TMEM154: variants seen among roughly 807,000 people sequenced by gnomAD.
The protein encoded by TMEM154 is transmembrane protein 154.
In TMEM154, 27 loss-of-function variants were observed where a neutral mutation model predicts 24.5. The observed-to-expected ratio is 1.10, with a 90% CI of 0.81 to 1.52. The LOEUF (loss-of-function observed/expected upper bound fraction) is 1.52, where lower values mean the gene tolerates loss of function less well. Among genes scored for constraint, TMEM154 ranks in the 40% most tolerant of loss-of-function variants. TMEM154 has a pLI of 0.00. For synonymous variants in TMEM154, 67 were observed against 76.8 expected (o/e 0.87, Z 0.67); for missense variants, 228 against 213.4 (o/e 1.07, Z -0.43).
chr4:152,675,059 G>A (rs1225794769), intron 1 of TMEM154, among the ~76,000 whole-genome samples: 1 of 151,452 alleles, frequency 6.6e-6, no homozygotes, highest in African/African-American at 2.4e-5. Context: ...GGGAGGGTGA[G>A]GCAGGAGAAT....
chr4:152,640,860 C>T lies in TMEM154; in HGVS notation c.536+68G>A, dbSNP rs1416832716. ...ACGGAGGAGGTAAGCAAAAAGTGTT[C>T]CACCCTGGTTCCCAATCCCCCCGCC... On this transcript the variant is annotated intron_variant, in intron 6 of 6. Transcript: ENST00000304385. 8 of 1,376,692 alleles carry T rather than the reference C, an allele frequency of 5.8e-6. No individual in the cohort carries two copies. In the South Asian group the frequency reaches 5.9e-5, roughly 10 times the overall value. 85.3% of individuals were successfully genotyped at this position (1,376,692 alleles called of 1,614,324 possible).
chr4:152,661,524 C>A (rs1011620614), intron 1 of TMEM154, among the ~76,000 whole-genome samples: 1 of 152,074 alleles, frequency 6.6e-6, no homozygotes, highest in African/African-American at 2.4e-5. Flanking sequence ...CCCTGGGGTG[C>A]AATCCTGTCA....
chr4:152,628,450 A>C lies in TMEM154; in HGVS notation c.*96T>G. ...GTTCTTGTGTCTATGTTGATTTGAAATTAATTAAATTTGTATCCTCTTCAT... is the reference window on the plus strand; with the variant it reads ...GTTCTTGTGTCTATGTTGATTTGAACTTAATTAAATTTGTATCCTCTTCAT... On this transcript the variant is annotated 3_prime_UTR_variant, in exon 7 of 7. Coordinates refer to ENST00000304385, the MANE Select transcript of TMEM154 (RefSeq NM_152680.3). 6.3e-7 allele frequency: 1 copy of C among 1,582,980 alleles called. No homozygotes were observed. The highest frequency in any genetic ancestry group is 1.1e-5 in the South Asian group (1 of 89,182).
intron 3 of TMEM154, among the ~76,000 whole-genome samples, chr4:152,652,212 T>C (rs564787078): frequency 6.6e-6 from 1 of 151,790 alleles, no homozygotes; most frequent in Admixed American, 6.6e-5. Flanking sequence ...ACATGTGCTG[T>C]TGAAAAAATG....
rs1195741257 is a variant in TMEM154, at chr4:152,628,095, T to G, written c.*451A>C. The G allele has an allele frequency of 5.9e-6, 1 of 170,924 alleles. No homozygotes were observed. Among genetic ancestry groups the G allele is most frequent in the East Asian group, 1.8e-4 (1 of 5,680 alleles). The allele number at this position is 170,924 out of a possible 1,614,324, so 10.6% of individuals were successfully genotyped here. A position where few individuals can be genotyped will look rare whatever the true frequency, so the allele number is the denominator to read the frequency against. ...AATGTAGTTTACCTGTCCCACGACT[T>G]GAATAATCAGAGGAAATTATCCAAA... is the stretch of plus-strand genomic sequence containing the variant. On this transcript the variant is annotated 3_prime_UTR_variant, in exon 7 of 7. Coordinates refer to ENST00000304385, the MANE Select transcript of TMEM154 (RefSeq NM_152680.3).
Position 152,628,288 on chromosome 4 carries a change from C to G in TMEM154, c.*258G>C. On this transcript the variant is annotated 3_prime_UTR_variant, in exon 7 of 7. Coordinates refer to ENST00000304385, the MANE Select transcript of TMEM154 (RefSeq NM_152680.3). ...ATGTTGATCAGAAGTGAGCACATCA[C>G]CCGCCTCCTTCTCCACCCTCAGAGG... 1.7e-6 allele frequency: 1 copy of G among 597,704 alleles called. No individual in the cohort carries two copies. Among genetic ancestry groups the G allele is most frequent in the Non-Finnish European group, 2.9e-6 (1 of 344,414 alleles). The allele number at this position is 597,704 out of a possible 1,614,324, so 37.0% of individuals were successfully genotyped here.
intron 1 of TMEM154, among the ~76,000 whole-genome samples, chr4:152,672,415 G>A (rs538857648): frequency 4.8e-4 from 73 of 152,206 alleles, no homozygotes; most frequent in Non-Finnish European, 9.6e-4. Flanking sequence ...AAAGAGCATC[G>A]TGAAGATCAA....
At chr4:152,664,201 A>T (rs1728670341) in intron 1 of TMEM154, among the ~76,000 whole-genome samples, 1 of 152,248 alleles carries the variant, frequency 6.6e-6, no homozygotes, top group African/African-American at 2.4e-5. Context: ...ACCATAAAAA[A>T]GAATGAGATC....
At chr4:152,646,536 A>G (rs1691132101) in intron 3 of TMEM154, 4 of 175,244 alleles carry the variant, frequency 2.3e-5, no homozygotes, top group Middle Eastern at 2.6e-3. Flanking sequence ...TGGCCTATAT[A>G]TATTTATGAA....
At chr4:152,661,288 C>CTCTCTT (rs1561054931) in intron 1 of TMEM154, among the ~76,000 whole-genome samples, 9 of 37,712 alleles carry the variant, frequency 2.4e-4, no homozygotes, top group African/African-American at 9.0e-4. Context: ...TTCTCTTTCT[C>CTCTCTT]TCTCTCTCTC....
rs1751839057 is a variant in TMEM154 at position 152,621,201 on chromosome 4, G to A, written c.*7345C>T. The A allele has an allele frequency of 6.6e-6, 1 of 152,282 alleles. No individual in the cohort carries two copies. The highest frequency in any genetic ancestry group is 2.4e-5 in the African/African-American group (1 of 41,470). The allele number at this position is 152,282 out of a possible 1,614,324, so 9.4% of individuals were successfully genotyped here. A position where few individuals can be genotyped will look rare whatever the true frequency, so the allele number is the denominator to read the frequency against. On this transcript the variant is annotated 3_prime_UTR_variant, in exon 7 of 7. Transcript: ENST00000304385. ...TGACCTACTTGGGAGGCTCACCCTT[G>A]TGCTGGTTCCCTCTCTTTCCTTCTT... is the stretch of plus-strand genomic sequence containing the variant.
At chr4:152,660,319 A>G (rs989736027) in intron 1 of TMEM154, among the ~76,000 whole-genome samples, 30 of 151,984 alleles carry the variant, frequency 2.0e-4, no homozygotes, top group Admixed American at 4.6e-4. Flanking sequence ...GGTGCGGCTG[A>G]TGGTAATAAT....
chr4:152,674,127 C>A (rs1458138049), intron 1 of TMEM154, among the ~76,000 whole-genome samples: 1 of 151,842 alleles, frequency 6.6e-6, no homozygotes, highest in African/African-American at 2.4e-5. Flanking sequence ...CAAGAAAATA[C>A]CTAAGGCTTA....
intron 1 of TMEM154, among the ~76,000 whole-genome samples, chr4:152,655,811 A>T (rs1485503825): frequency 6.6e-6 from 1 of 152,174 alleles, no homozygotes; most frequent in Non-Finnish European, 1.5e-5. Flanking sequence ...CTGCAGTAGC[A>T]GGCAGCAGTG....
intron 1 of TMEM154, chr4:152,668,272 A>C (rs1200535543): frequency 6.6e-6 from 1 of 151,812 alleles, no homozygotes; most frequent in Non-Finnish European, 1.5e-5. Context: ...CAATGAGATA[A>C]GCAACATGAA....
intron 1 of TMEM154, among the ~76,000 whole-genome samples, chr4:152,672,742 T>C (rs114967148): frequency 2.1e-3 from 326 of 152,354 alleles, no homozygotes; most frequent in African/African-American, 7.5e-3. Context: ...CTGAAAAGAA[T>C]AGAGGATGAT....
intron 1 of TMEM154, among the ~76,000 whole-genome samples, chr4:152,657,300 G>A (rs1330195720): frequency 6.6e-6 from 1 of 151,664 alleles, no homozygotes; most frequent in Non-Finnish European, 1.5e-5. Flanking sequence ...GATTGCTTGA[G>A]CTCATGAGTT....
intron 1 of TMEM154, among the ~76,000 whole-genome samples, chr4:152,672,715 T>C (rs1174198571): frequency 6.6e-6 from 1 of 152,214 alleles, no homozygotes; most frequent in Non-Finnish European, 1.5e-5. Context: ...TTATTTTCCA[T>C]TATGAAAGTA....
At chr4:152,652,405 C>T in intron 3 of TMEM154, 133 bp downstream of exon 3, 1 of 1,371,754 alleles carries the variant, frequency 7.3e-7, no homozygotes, top group Non-Finnish European at 9.7e-7. Flanking sequence ...ATATTCACTT[C>T]TGGAAAATTT....
Sources: gnomAD v4.1 joint callset for allele counts (sites outside exome capture counted in the v4.1 genomes callset) on GRCh38, gnomAD v4.1.1 for gene constraint, MANE v1.5 for transcripts, NCBI Gene and HGNC (gene_info 2026-07-23, HGNC 2026-07-21) for gene names.